The following CFAP95 variants were observed in gnomAD, a reference collection of about 807,000 sequenced individuals.
CFAP95 encodes cilia- and flagella-associated protein 95.
At chr9:69,865,782 A>G in the CFAP95 span, among the ~76,000 whole-genome samples, 1 of 152,194 alleles carries the variant, frequency 6.6e-6, no homozygotes, top group Non-Finnish European at 1.5e-5. Flanking sequence ...AATTTTATCT[A>G]TTAAGTTTGA....
At chr9:69,861,730 C>CGAA in the CFAP95 span, among the ~76,000 whole-genome samples, 1 of 86,848 alleles carries the variant, frequency 1.2e-5, no homozygotes, top group African/African-American at 4.5e-5. Flanking sequence ...TCTTATGAGT[C>CGAA]AAAAAAAAAA....
At chr9:69,881,143 T>C in the CFAP95 span, among the ~76,000 whole-genome samples, 1 of 152,216 alleles carries the variant, frequency 6.6e-6, no homozygotes, top group Admixed American at 6.5e-5. Context: ...TTGTATCCTT[T>C]GCCATGCAGA....
At chr9:69,894,342 G>C in the CFAP95 span, among the ~76,000 whole-genome samples, 75 of 152,210 alleles carry the variant, frequency 4.9e-4, no homozygotes, top group African/African-American at 1.8e-3. Flanking sequence ...CTACCGAGTT[G>C]ATTGGGAGAC....
chr9:69,882,336 A>G, the CFAP95 span, among the ~76,000 whole-genome samples: 23 of 152,176 alleles, frequency 1.5e-4, no homozygotes, highest in African/African-American at 4.6e-4. Context: ...GTTTATCAGT[A>G]TAGTTTCTTT....
chr9:69,853,220 T>C, the CFAP95 span, among the ~76,000 whole-genome samples: 3 of 152,192 alleles, frequency 2.0e-5, no homozygotes, highest in Admixed American at 6.5e-5. Flanking sequence ...ACCTGAAATA[T>C]ATAACCTGAG....
At chr9:69,875,946 C>A in the CFAP95 span, among the ~76,000 whole-genome samples, 1 of 152,112 alleles carries the variant, frequency 6.6e-6, no homozygotes, top group African/African-American at 2.4e-5. Context: ...ATACACATCT[C>A]CTTGAATATA....
chr9:69,883,834 AT>A, the CFAP95 span, among the ~76,000 whole-genome samples: 77 of 8,872 alleles, frequency 8.7e-3, no homozygotes, highest in African/African-American at 9.1e-3. Flanking sequence ...AAAAAAAACA[AT>A]TAAAAAAAAA....
the CFAP95 span, among the ~76,000 whole-genome samples, chr9:69,886,535 A>G: frequency 6.6e-6 from 1 of 152,216 alleles, no homozygotes; most frequent in Non-Finnish European, 1.5e-5. Flanking sequence ...AAACGTGAAC[A>G]GAAATGTGTT....
chr9:69,855,428 T>A, the CFAP95 span, among the ~76,000 whole-genome samples: 2 of 152,240 alleles, frequency 1.3e-5, no homozygotes, highest in East Asian at 3.8e-4. Flanking sequence ...AAATGGTGGC[T>A]ACTAATTTTT....
the CFAP95 span, among the ~76,000 whole-genome samples, chr9:69,844,019 C>T: frequency 3.9e-5 from 6 of 152,008 alleles, no homozygotes; most frequent in Admixed American, 1.3e-4. Context: ...GAACTGTTTT[C>T]TTCTACCTCA....
At chr9:69,877,496 A>T in the CFAP95 span, among the ~76,000 whole-genome samples, 6,684 of 152,240 alleles carry the variant, frequency 0.044, 459 homozygotes, top group African/African-American at 0.15. Flanking sequence ...CCCATAAATG[A>T]CTTGTATATC....
chr9:69,841,784 G>T, the CFAP95 span, among the ~76,000 whole-genome samples: 1 of 152,172 alleles, frequency 6.6e-6, no homozygotes, highest in African/African-American at 2.4e-5. Context: ...GCAAGAGAGA[G>T]CTTGTGTAGG....
chr9:69,869,168 C>A, the CFAP95 span, among the ~76,000 whole-genome samples: 36 of 152,246 alleles, frequency 2.4e-4, no homozygotes, highest in Non-Finnish European at 4.1e-4. Flanking sequence ...GAAATGGAAC[C>A]AGTATCTTGT....
At chr9:69,868,313 G>C in the CFAP95 span, among the ~76,000 whole-genome samples, 2 of 151,144 alleles carry the variant, frequency 1.3e-5, no homozygotes, top group Non-Finnish European at 2.9e-5. Flanking sequence ...GGCAGCAAAA[G>C]CAAAAAATAA....
At chr9:69,850,775 C>G in the CFAP95 span, among the ~76,000 whole-genome samples, 2 of 152,148 alleles carry the variant, frequency 1.3e-5, no homozygotes. Context: ...TTCTTGCTTC[C>G]TGTCTCCATA....
At chr9:69,859,503 A>T in the CFAP95 span, among the ~76,000 whole-genome samples, 1 of 152,030 alleles carries the variant, frequency 6.6e-6, no homozygotes. Flanking sequence ...TTTGTATGGT[A>T]TCCATCTTCC....
the CFAP95 span, among the ~76,000 whole-genome samples, chr9:69,883,479 C>A: frequency 6.6e-6 from 1 of 152,122 alleles, no homozygotes; most frequent in African/African-American, 2.4e-5. Context: ...AGCCATTAGG[C>A]TGATGCCCTT....
the CFAP95 span, among the ~76,000 whole-genome samples, chr9:69,880,114 C>G: frequency 2.0e-5 from 3 of 152,202 alleles, no homozygotes; most frequent in Non-Finnish European, 4.4e-5. Context: ...TCCATCCTCT[C>G]AAGCATTTAT....
the CFAP95 span, among the ~76,000 whole-genome samples, chr9:69,851,281 C>G: frequency 6.6e-6 from 1 of 152,144 alleles, no homozygotes; most frequent in Non-Finnish European, 1.5e-5. Context: ...ATTTACCCTG[C>G]TTTCTGGAAT....
Sources: gnomAD v4.1 joint callset for allele counts (sites outside exome capture counted in the v4.1 genomes callset) on GRCh38, gnomAD v4.1.1 for gene constraint, MANE v1.5 for transcripts, NCBI Gene and HGNC (gene_info 2026-07-23, HGNC 2026-07-21) for gene names.